CPLX2: variants seen among roughly 807,000 people sequenced by gnomAD.
CPLX2 encodes complexin 2.
In CPLX2, 5 loss-of-function variants were observed where a neutral mutation model predicts 16.3. The ratio of observed to expected loss-of-function variants is 0.31; its 90% CI spans 0.16 to 0.64. CPLX2 has a LOEUF of 0.64. Ranked by LOEUF, CPLX2 falls within the 30% of genes least tolerant of loss-of-function variation. The pLI is 0.79. For missense variants in CPLX2, 144 were observed against 181.4 expected (o/e 0.79, Z 1.18); for synonymous variants, 89 against 73.2 (o/e 1.22, Z -1.10).
At chr5:175,864,036 G>T (rs1002250678) in intron 2 of CPLX2, among the ~76,000 whole-genome samples, 1 of 152,216 alleles carries the variant, frequency 6.6e-6, no homozygotes, top group Non-Finnish European at 1.5e-5. Flanking sequence ...TGGTTAGTCT[G>T]CCCTGAACTC....
At chr5:175,822,525 A>T (rs187519627) in intron 2 of CPLX2, among the ~76,000 whole-genome samples, 1 of 152,362 alleles carries the variant, frequency 6.6e-6, no homozygotes, top group Admixed American at 6.5e-5. Context: ...TAAGTGACAG[A>T]AACCCAACTC....
intron 2 of CPLX2, among the ~76,000 whole-genome samples, chr5:175,838,750 CA>C (rs1218314697): frequency 6.6e-6 from 1 of 152,162 alleles, no homozygotes; most frequent in Non-Finnish European, 1.5e-5. Context: ...GGGACCCAGG[CA>C]GGGGTCTCCA....
In CPLX2 at chr5:175,880,847, C is replaced by T. The variant is rs181726671; in HGVS notation, c.*802C>T. ...CAGGCCCCCAGAAAACACTTGGAGC[C>T]ATCGGGTAGCGATGGTCTATGCCAT... On this transcript the variant is annotated 3_prime_UTR_variant, in exon 4 of 4. Transcript: ENST00000393745. The T allele has an allele frequency of 6.5e-6, 1 of 152,842 alleles. No homozygotes were observed. The highest frequency in any genetic ancestry group is 1.5e-5 in the Non-Finnish European group (1 of 68,226). The allele number at this position is 152,842 out of a possible 1,614,324, so 9.5% of individuals were successfully genotyped here.
chr5:175,832,893 G>T (rs1410283057), intron 2 of CPLX2, among the ~76,000 whole-genome samples: 2 of 152,212 alleles, frequency 1.3e-5, no homozygotes, highest in Non-Finnish European at 2.9e-5. Flanking sequence ...GGTGGCTCAT[G>T]CCTGTGATCC....
chr5:175,860,514 GAAAA>G (rs369405330), intron 2 of CPLX2, among the ~76,000 whole-genome samples: 2 of 135,616 alleles, frequency 1.5e-5, no homozygotes, highest in Non-Finnish European at 3.1e-5. Context: ...AAGAAAGAAA[GAAAA>G]AGAAAGAAAG....
intron 1 of CPLX2, among the ~76,000 whole-genome samples, chr5:175,874,419 A>G (rs1465985994): frequency 6.6e-6 from 1 of 152,220 alleles, no homozygotes; most frequent in Non-Finnish European, 1.5e-5. Context: ...GAATGCTGTG[A>G]GACCACTGCT....
intron 2 of CPLX2, among the ~76,000 whole-genome samples, chr5:175,856,433 T>A (rs1759258351): frequency 6.6e-6 from 1 of 152,166 alleles, no homozygotes; most frequent in South Asian, 2.1e-4. Flanking sequence ...AGCTAGTGAA[T>A]GGCCAAGCTG....
rs147652174 is a variant in CPLX2 at position 175,862,378 on chromosome 5, T to G, written c.-88-16274T>G. 9.2e-5 allele frequency among the ~76,000 whole-genome samples: 14 copies of G among 152,194 alleles called. No homozygotes were observed. The East Asian group carries it at 2.7e-3, about 29-fold the overall frequency. On this transcript the variant is annotated intron_variant, in intron 2 of 4. Coordinates refer to the CPLX2 transcript ENST00000359546. ...GGTGGTTCCATCCTGTTTCCCAAAT[T>G]AGATTTTTTTTAATGCTCTAGCTGT...
At chr5:175,834,242 G>A (rs1424236036) in intron 2 of CPLX2, among the ~76,000 whole-genome samples, 1 of 152,222 alleles carries the variant, frequency 6.6e-6, no homozygotes, top group African/African-American at 2.4e-5. Context: ...TTACTGTGAA[G>A]ATTCAAATGA....
upstream of CPLX2, among the ~76,000 whole-genome samples, chr5:175,869,245 C>T (rs955706502): frequency 3.9e-5 from 6 of 152,172 alleles, no homozygotes; most frequent in Non-Finnish European, 5.9e-5. Context: ...CCTTCCTATT[C>T]GCCAGTGAGA....
chr5:175,847,968 G>A (rs1357642081), intron 2 of CPLX2, among the ~76,000 whole-genome samples: 2 of 152,238 alleles, frequency 1.3e-5, no homozygotes, highest in African/African-American at 4.8e-5. Context: ...TCATCACAGG[G>A]CTAATGGTCA....
upstream of CPLX2, among the ~76,000 whole-genome samples, chr5:175,870,955 G>A (rs1759577737): frequency 6.6e-6 from 1 of 152,120 alleles, no homozygotes; most frequent in Non-Finnish European, 1.5e-5. Context: ...CACTGTGCTG[G>A]GGGGCTGCAA....
intron 2 of CPLX2, among the ~76,000 whole-genome samples, chr5:175,814,015 AT>A (rs1758360450): frequency 6.6e-6 from 1 of 152,252 alleles, no homozygotes; most frequent in Admixed American, 6.5e-5. Flanking sequence ...AAATATATGT[AT>A]TAAAGGTCAA....
intron 1 of CPLX2, among the ~76,000 whole-genome samples, chr5:175,808,833 C>T (rs1183962408): frequency 6.6e-6 from 1 of 152,196 alleles, no homozygotes; most frequent in Non-Finnish European, 1.5e-5. Context: ...GGGTCCCATC[C>T]CGCCCAGCCC....
At chr5:175,823,316 G>T (rs1758547442) in intron 2 of CPLX2, among the ~76,000 whole-genome samples, 1 of 152,190 alleles carries the variant, frequency 6.6e-6, no homozygotes, top group East Asian at 1.9e-4. Flanking sequence ...TGGTGAGATG[G>T]ATGGAAAACA....
chr5:175,867,763 A>G (rs1385966362), upstream of CPLX2, among the ~76,000 whole-genome samples: 1 of 151,818 alleles, frequency 6.6e-6, no homozygotes, highest in Admixed American at 6.6e-5. Context: ...GTCACTGCAC[A>G]TGAGTGCTGC....
At chr5:175,838,285 T>TTTTG (rs1758873393) in intron 2 of CPLX2, among the ~76,000 whole-genome samples, 1 of 149,838 alleles carries the variant, frequency 6.7e-6, no homozygotes, top group South Asian at 2.2e-4. Flanking sequence ...TTTTTTTTTT[T>TTTTG]GAGATGGAGT....
chr5:175,816,413 G>A (rs1273623536), intron 2 of CPLX2, among the ~76,000 whole-genome samples: 7 of 152,114 alleles, frequency 4.6e-5, no homozygotes, highest in African/African-American at 4.8e-5. Context: ...TGATCTGCCC[G>A]CCTCAGCCTC....
chr5:175,837,891 T>C (rs956231118), intron 2 of CPLX2: 2 of 152,168 alleles, frequency 1.3e-5, no homozygotes, highest in Non-Finnish European at 2.9e-5. Flanking sequence ...ACAGAGAAGG[T>C]CCCAGCTTCC....
Sources: gnomAD v4.1 joint callset for allele counts (sites outside exome capture counted in the v4.1 genomes callset) on GRCh38, gnomAD v4.1.1 for gene constraint, MANE v1.5 for transcripts, NCBI Gene and HGNC (gene_info 2026-07-23, HGNC 2026-07-21) for gene names.